Variants in PPP6C observed in about 807,000 individuals in gnomAD.
PPP6C encodes protein phosphatase 6 catalytic subunit, also known as serine/threonine-protein phosphatase 6 catalytic subunit.
A neutral mutation model predicts 39.8 loss-of-function variants in PPP6C; 11 were observed. That is an observed-to-expected ratio of 0.28 (90% CI 0.17 to 0.46). The LOEUF is 0.46. Among genes scored for constraint, PPP6C ranks in the 20% least tolerant of loss-of-function variants. The pLI is 1.00. For synonymous variants in PPP6C, 129 were observed against 130.3 expected, an observed-to-expected ratio of 0.99 and a Z score of 0.07; for missense variants, 211 against 373.9, an observed-to-expected ratio of 0.56 and a Z score of 3.59.
intron 2 of PPP6C, among the ~76,000 whole-genome samples, chr9:125,166,484 G>A (rs1450327212): frequency 6.6e-6 from 1 of 150,974 alleles, no homozygotes; most frequent in African/African-American, 2.4e-5. Flanking sequence ...CCATAAAAAA[G>A]CAGTTATTTT....
intron 4 of PPP6C, among the ~76,000 whole-genome samples, chr9:125,156,835 C>CA (rs908254218): frequency 6.6e-6 from 1 of 150,834 alleles, no homozygotes; most frequent in Non-Finnish European, 1.5e-5. Context: ...TTTCTTGAGA[C>CA]AGAGTCTGGC....
At chr9:125,175,707 A>C (rs985751559) in intron 1 of PPP6C, among the ~76,000 whole-genome samples, 2 of 152,050 alleles carry the variant, frequency 1.3e-5, no homozygotes, top group Non-Finnish European at 2.9e-5. Flanking sequence ...ATAATAAAAG[A>C]TGTTACTTAA....
At chr9:125,184,134 T>A (rs947882198) in intron 1 of PPP6C, among the ~76,000 whole-genome samples, 33 of 152,048 alleles carry the variant, frequency 2.2e-4, no homozygotes, top group African/African-American at 7.7e-4. Context: ...ACGCCTATAA[T>A]CCCTGCACTT....
chr9:125,182,502 A>C (rs887370294), intron 1 of PPP6C, among the ~76,000 whole-genome samples: 2 of 152,044 alleles, frequency 1.3e-5, no homozygotes, highest in South Asian at 2.1e-4. Flanking sequence ...AACTAACTAA[A>C]TAAATATCTA....
chr9:125,157,952 G>A (rs1332189716), intron 4 of PPP6C, among the ~76,000 whole-genome samples: 2 of 152,086 alleles, frequency 1.3e-5, no homozygotes, highest in Non-Finnish European at 2.9e-5. Flanking sequence ...GCCTCCCAAA[G>A]TGCTGAGATT....
chr9:125,177,100 C>T (rs1829315331), intron 1 of PPP6C, among the ~76,000 whole-genome samples: 2 of 152,250 alleles, frequency 1.3e-5, no homozygotes, highest in South Asian at 2.1e-4. Flanking sequence ...CCCGGCCGGG[C>T]GCGGTGGCTC....
rs775527123 is a variant in PPP6C, at chr9:125,148,946, T to G, written c.*727A>C. 1.3e-4 allele frequency: 20 copies of G among 152,138 alleles called. No homozygotes were observed. The highest frequency in any genetic ancestry group is 2.5e-4 in the Non-Finnish European group (17 of 68,008). The allele number at this position is 152,138 out of a possible 1,614,324, so 9.4% of individuals were successfully genotyped here. A position where few individuals can be genotyped will look rare whatever the true frequency, so the allele number is the denominator to read the frequency against. On this transcript the variant is annotated 3_prime_UTR_variant, in exon 7 of 7. Coordinates refer to ENST00000373547, the MANE Select transcript of PPP6C (RefSeq NM_002721.5). ...TGATTAGGAAAAAAGAAAAGATAAC[T>G]TTACGCTAACAATGTAAGCTGTTTA...
chr9:125,177,523 T>C (rs360007), intron 1 of PPP6C, among the ~76,000 whole-genome samples: 67,414 of 151,776 alleles, frequency 0.44, 15,340 homozygotes, highest in East Asian at 0.53. Context: ...ATAGAGAGAC[T>C]TCGTTCTCCA....
chr9:125,176,560 G>C (rs1159417222), intron 1 of PPP6C, among the ~76,000 whole-genome samples: 1 of 152,232 alleles, frequency 6.6e-6, no homozygotes, highest in Non-Finnish European at 1.5e-5. Flanking sequence ...GGAAGGCTGA[G>C]GTGCAAGGAT....
At position 125,165,743 on chromosome 9, in the gene PPP6C, A is replaced by G. The variant is rs146868774; in HGVS notation, c.172-4837T>C. Among the ~76,000 whole-genome samples, 255 of 151,888 alleles carry G rather than the reference A, an allele frequency of 1.7e-3. 7 individuals carry two copies. Among genetic ancestry groups the G allele is most frequent in the Admixed American group, 0.015 (225 of 15,212 alleles). Reference sequence around the variant, plus strand: ...AATTTGACAAGTGGCAGTTTATGACACTTAAAAGTTAATCGCAATATGAAA... The same window carrying G: ...AATTTGACAAGTGGCAGTTTATGACGCTTAAAAGTTAATCGCAATATGAAA... On this transcript the variant is annotated intron_variant, in intron 2 of 6. Coordinates refer to ENST00000373547, the MANE Select transcript of PPP6C (RefSeq NM_002721.5).
intron 1 of PPP6C, chr9:125,188,790 A>AAATAATAAT: frequency 5.5e-6 from 1 of 181,828 alleles, no homozygotes; most frequent in South Asian, 1.9e-4. Context: ...TCTCAGTTAA[A>AAATAATAAT]AACAATAATA....
At chr9:125,153,869 C>T in intron 5 of PPP6C, 37 bp downstream of exon 5, 1 of 1,549,116 alleles carries the variant, frequency 6.5e-7, no homozygotes, top group South Asian at 1.1e-5. Flanking sequence ...GTGTTATTGG[C>T]AGGAACGTAC....
chr9:125,174,780 C>T (rs1829259614), intron 1 of PPP6C, among the ~76,000 whole-genome samples: 1 of 151,940 alleles, frequency 6.6e-6, no homozygotes. Context: ...TCAGTAGAGG[C>T]ACGTACCTGT....
At chr9:125,163,606 T>A (rs115860379) in intron 2 of PPP6C, among the ~76,000 whole-genome samples, 5,074 of 151,964 alleles carry the variant, frequency 0.033, 245 homozygotes, top group African/African-American at 0.11. Context: ...AATTTATGTA[T>A]TTTTAACAGA....
chr9:125,185,276 G>A (rs1588298948), intron 1 of PPP6C, among the ~76,000 whole-genome samples: 2 of 147,824 alleles, frequency 1.4e-5, no homozygotes, highest in South Asian at 2.1e-4. Flanking sequence ...ACAGGGTCTC[G>A]CTCTGTTGGC....
At chr9:125,178,527 G>A (rs1829353857) in intron 1 of PPP6C, among the ~76,000 whole-genome samples, 1 of 151,946 alleles carries the variant, frequency 6.6e-6, no homozygotes, top group Non-Finnish European at 1.5e-5. Flanking sequence ...TATTCTTTAA[G>A]GGACAAACCA....
intron 1 of PPP6C, among the ~76,000 whole-genome samples, chr9:125,174,795 T>C (rs986445707): frequency 1.3e-5 from 2 of 151,824 alleles, no homozygotes; most frequent in African/African-American, 4.8e-5. Context: ...ACCTGTAATC[T>C]CAGCTACTTG....
chr9:125,178,350 G>T (rs1427450250), intron 1 of PPP6C, among the ~76,000 whole-genome samples: 1 of 152,054 alleles, frequency 6.6e-6, no homozygotes, highest in African/African-American at 2.4e-5. Context: ...CATTCTAATA[G>T]GTATATAGTG....
rs573239495 is a variant in PPP6C, at chr9:125,189,427, C to T, written c.75+217G>A. 22 of 1,303,184 alleles carry T rather than the reference C, an allele frequency of 1.7e-5. No individual in the cohort carries two copies. In the South Asian group the frequency reaches 3.1e-4, roughly 19 times the overall value. 80.7% of individuals were successfully genotyped at this position (1,303,184 alleles called of 1,614,324 possible). A position where few individuals can be genotyped will look rare whatever the true frequency, so the allele number is the denominator to read the frequency against. On this transcript the variant is annotated intron_variant, in intron 1 of 6. Transcript: ENST00000373547. ...GGCGACCCTGGGACAGAGGCCGCGA[C>T]ATCCCTCGGGATCCCCACTGAGGCA... is the stretch of plus-strand genomic sequence containing the variant.
Sources: allele counts gnomAD v4.1 joint callset (sites outside exome capture counted in the v4.1 genomes callset), GRCh38; gene constraint gnomAD v4.1.1; transcripts MANE v1.5; gene names NCBI Gene and HGNC (gene_info 2026-07-23, HGNC 2026-07-21).